Variants in GNG12 observed in about 807,000 individuals in gnomAD.
GNG12 encodes G protein subunit gamma 12, also known as guanine nucleotide-binding protein G(I)/G(S)/G(O) subunit gamma-12.
For missense variants in GNG12, 69 were observed against 83.8 expected (o/e 0.82, Z 0.69); for synonymous variants, 28 against 29.7 (o/e 0.94, Z 0.19).
At chr1:67,723,239 A>G (rs964656561) in intron 2 of GNG12, among the ~76,000 whole-genome samples, 1 of 152,204 alleles carries the variant, frequency 6.6e-6, no homozygotes, top group Non-Finnish European at 1.5e-5. Flanking sequence ...GTGCATGAAG[A>G]AAAGTGCAGA....
chr1:67,811,793 A>G (rs973767999), intron 1 of GNG12, among the ~76,000 whole-genome samples: 7 of 130,674 alleles, frequency 5.4e-5, no homozygotes, highest in African/African-American at 1.3e-4. Flanking sequence ...GCTGAGGCTC[A>G]GCAGTAAGCA....
rs374020693 is a variant in GNG12 at position 67,724,656 on chromosome 1, C to T, written c.-26-16944G>A. Among the ~76,000 whole-genome samples, 5 of 152,294 alleles carry T rather than the reference C, an allele frequency of 3.3e-5. No homozygotes were observed. In the South Asian group the frequency reaches 1.0e-3, roughly 32 times the overall value. ...CCACACACCTTGGCCTCCCAAAGTGCTGGGATTACAGGTGTCAGCCACCGC... is the reference window on the plus strand; with the variant it reads ...CCACACACCTTGGCCTCCCAAAGTGTTGGGATTACAGGTGTCAGCCACCGC... On this transcript the variant is annotated intron_variant, in intron 2 of 3. Coordinates refer to ENST00000370982, the MANE Select transcript of GNG12 (RefSeq NM_018841.6).
chr1:67,739,464 C>G (rs549354906), intron 2 of GNG12, among the ~76,000 whole-genome samples: 2 of 152,278 alleles, frequency 1.3e-5, no homozygotes, highest in South Asian at 4.1e-4. Flanking sequence ...CATATAGAGA[C>G]AGAAGACAGA....
Position 67,702,527 on chromosome 1 carries a change from C to G in GNG12, c.*2924G>C, listed in dbSNP as rs1646221957. Reference sequence around the variant, plus strand: ...CAGTCTAAATAGAGAAAAAGCAAGTCAGGTCTTTCCTTTAAAAGTTAAGTA... The same window carrying G: ...CAGTCTAAATAGAGAAAAAGCAAGTGAGGTCTTTCCTTTAAAAGTTAAGTA... On this transcript the variant is annotated 3_prime_UTR_variant, in exon 4 of 4. Transcript: ENST00000370982. 2 of 151,810 alleles carry G rather than the reference C, an allele frequency of 1.3e-5. No individual in the cohort carries two copies. The highest frequency in any genetic ancestry group is 1.5e-5 in the Non-Finnish European group (1 of 67,980). 9.4% of individuals were successfully genotyped at this position (151,810 alleles called of 1,614,324 possible). A position where few individuals can be genotyped will look rare whatever the true frequency, so the allele number is the denominator to read the frequency against.
At chr1:67,724,863 T>G (rs556110093) in intron 2 of GNG12, among the ~76,000 whole-genome samples, 1 of 152,188 alleles carries the variant, frequency 6.6e-6, no homozygotes, top group Non-Finnish European at 1.5e-5. Flanking sequence ...CATTCTACTT[T>G]TATATATGTT....
intron 1 of GNG12, among the ~76,000 whole-genome samples, chr1:67,813,441 T>C (rs1646937358): frequency 6.6e-6 from 1 of 152,166 alleles, no homozygotes; most frequent in Admixed American, 6.5e-5. Flanking sequence ...AACAACATTG[T>C]TCATTATGAT....
intron 2 of GNG12, among the ~76,000 whole-genome samples, chr1:67,732,439 C>T (rs925655560): frequency 3.9e-5 from 6 of 152,226 alleles, no homozygotes; most frequent in African/African-American, 1.4e-4. Context: ...TTCAACCTTT[C>T]AGGCCCTTGG....
At chr1:67,743,653 GA>G (rs1646494385) in intron 2 of GNG12, among the ~76,000 whole-genome samples, 1 of 152,078 alleles carries the variant, frequency 6.6e-6, no homozygotes, top group Non-Finnish European at 1.5e-5. Flanking sequence ...TACCTCCCCT[GA>G]AAAAGCCCTA....
In GNG12 at chr1:67,733,624, C is replaced by A. The variant is rs184080147; in HGVS notation, c.-26-25912G>T. On this transcript the variant is annotated intron_variant, in intron 2 of 3. Coordinates refer to ENST00000370982, the MANE Select transcript of GNG12 (RefSeq NM_018841.6). ...ATTCTTAAAATTTATAGGAAAAAAA[C>A]CAAAAAGGGCAACATGAAACAATAC... Among the ~76,000 whole-genome samples the A allele has an allele frequency of 1.6e-3, 250 of 152,024 alleles. 1 individual carries two copies. The highest frequency in any genetic ancestry group is 5.6e-3 in the African/African-American group (233 of 41,444).
intron 1 of GNG12, chr1:67,832,340 C>T (rs1647051747): frequency 6.6e-6 from 1 of 152,158 alleles, no homozygotes; most frequent in Non-Finnish European, 1.5e-5. Flanking sequence ...AGGATGACCA[C>T]CAGATGACCG....
chr1:67,774,730 C>T (rs1646694327), intron 2 of GNG12, among the ~76,000 whole-genome samples: 1 of 152,188 alleles, frequency 6.6e-6, no homozygotes, highest in African/African-American at 2.4e-5. Context: ...ATCAAAATGC[C>T]TTCCTCCTCT....
chr1:67,828,977 T>C (rs1378299954), intron 1 of GNG12, among the ~76,000 whole-genome samples: 1 of 152,260 alleles, frequency 6.6e-6, no homozygotes, highest in Non-Finnish European at 1.5e-5. Flanking sequence ...AAGCCAGATT[T>C]GTTTTTTAGT....
chr1:67,812,266 C>T (rs756454085), intron 1 of GNG12, among the ~76,000 whole-genome samples: 1 of 152,082 alleles, frequency 6.6e-6, no homozygotes. Context: ...AAAATATTTC[C>T]AGATACCATA....
intron 1 of GNG12, among the ~76,000 whole-genome samples, chr1:67,787,656 A>G (rs1477144881): frequency 6.6e-6 from 1 of 152,180 alleles, no homozygotes; most frequent in Non-Finnish European, 1.5e-5. Flanking sequence ...CTACAACCTC[A>G]TCAGAGTCAA....
chr1:67,761,778 C>T (rs572996186), intron 2 of GNG12, among the ~76,000 whole-genome samples: 15 of 152,236 alleles, frequency 9.9e-5, no homozygotes, highest in South Asian at 2.1e-4. Flanking sequence ...GCACACCATC[C>T]GCTTTCTGTC....
chr1:67,713,752 T>G (rs1646309549), intron 2 of GNG12, among the ~76,000 whole-genome samples: 1 of 152,218 alleles, frequency 6.6e-6, no homozygotes, highest in Non-Finnish European at 1.5e-5. Context: ...CCTCTTCTTC[T>G]GTAAAAGAGG....
rs763599665 is a variant in GNG12 at position 67,705,571 on chromosome 1, C to G, written c.99G>C (p.Ser33=). 1 of 1,605,016 alleles carries G rather than the reference C, an allele frequency of 6.2e-7. No individual in the cohort carries two copies. The highest frequency in any genetic ancestry group is 1.1e-5 in the South Asian group (1 of 88,596). Residue 33 remains serine, a synonymous_variant, in exon 4 of 4, where the codon TCG becomes TCC. Coordinates refer to ENST00000370982, the MANE Select transcript of GNG12 (RefSeq NM_018841.6). ...LEASIERIKV[S]KASADLMSYC... ...AGGACATGAGGTCCGCTGATGCCTT[C>G]GAAACCTGACATGGAGATAAATCAA...
chr1:67,736,766 A>C (rs749109916), intron 2 of GNG12, among the ~76,000 whole-genome samples: 1 of 152,142 alleles, frequency 6.6e-6, no homozygotes, highest in Admixed American at 6.5e-5. Context: ...ATTAAAACCT[A>C]GGGGAGTGGG....
chr1:67,708,466 T>A (rs1255396601), intron 2 of GNG12, among the ~76,000 whole-genome samples: 1 of 152,194 alleles, frequency 6.6e-6, no homozygotes, highest in Non-Finnish European at 1.5e-5. Flanking sequence ...CACTTGCTAA[T>A]CCTATTACTC....
Sources: allele counts gnomAD v4.1 joint callset (sites outside exome capture counted in the v4.1 genomes callset), GRCh38; gene constraint gnomAD v4.1.1; transcripts MANE v1.5; gene names NCBI Gene and HGNC (gene_info 2026-07-23, HGNC 2026-07-21).